The following ACAP2 variants were observed in gnomAD, a reference collection of about 807,000 sequenced individuals.
ACAP2 encodes arf-GAP with coiled-coil, ANK repeat and PH domain-containing protein 2.
Under a neutral mutation model 115.8 loss-of-function variants are expected in ACAP2, and 39 were observed. The observed-to-expected ratio is 0.34, with a 90% CI of 0.26 to 0.44. The LOEUF (loss-of-function observed/expected upper bound fraction) is 0.44. ACAP2 is among the 20% of genes least tolerant of loss of function. ACAP2 has a pLI of 1.00. For missense variants in ACAP2, 662 were observed against 927.6 expected (o/e 0.71, Z 3.72); for synonymous variants, 289 against 315.8 (o/e 0.92, Z 0.90).
intron 1 of ACAP2, among the ~76,000 whole-genome samples, chr3:195,393,972 G>A (rs1711539217): frequency 6.6e-6 from 1 of 151,986 alleles, no homozygotes; most frequent in African/African-American, 2.4e-5. Flanking sequence ...CTACAACTCT[G>A]AAGAATGGGG....
chr3:195,279,103 C>T lies in ACAP2; in HGVS notation c.*225G>A. ...ACTGAACTTCTGTCTACAGAAATAG[C>T]CCTTTAAATAGGCTTTTTTAATAAA... On this transcript the variant is annotated 3_prime_UTR_variant, in exon 23 of 23. Coordinates refer to ENST00000326793, the MANE Select transcript of ACAP2 (RefSeq NM_012287.6). The T allele has an allele frequency of 2.7e-6, 1 of 367,850 alleles. No homozygotes were observed. The highest frequency in any genetic ancestry group is 4.8e-6 in the Non-Finnish European group (1 of 208,066). The allele number at this position is 367,850 out of a possible 1,614,324, so 22.8% of individuals were successfully genotyped here. A position where few individuals can be genotyped will look rare whatever the true frequency, so the allele number is the denominator to read the frequency against.
At chr3:195,351,736 T>C (rs1480345074) in intron 4 of ACAP2, among the ~76,000 whole-genome samples, 3 of 152,184 alleles carry the variant, frequency 2.0e-5, no homozygotes, top group African/African-American at 7.2e-5. Flanking sequence ...GTGCTGGGAT[T>C]ACAGGCGTGA....
chr3:195,359,525 T>C (rs572077271), intron 4 of ACAP2, among the ~76,000 whole-genome samples: 3 of 152,376 alleles, frequency 2.0e-5, no homozygotes, highest in Admixed American at 6.5e-5. Flanking sequence ...TGGAGTGCAG[T>C]GGCGTGATCT....
rs536030741 is a variant in ACAP2, at chr3:195,404,316, A to T, written c.54-12169T>A. On this transcript the variant is annotated intron_variant, in intron 1 of 22. Coordinates refer to ENST00000326793, the MANE Select transcript of ACAP2 (RefSeq NM_012287.6). ...AAGAATTAACATCAGGTTTAAGTCA[A>T]ATTAAAATGGCTGAAAACAATTTTA... 1.3e-5 allele frequency among the ~76,000 whole-genome samples: 2 copies of T among 152,354 alleles called. 1 individual carries two copies. Among genetic ancestry groups the T allele is most frequent in the South Asian group, 4.1e-4 (2 of 4,828 alleles).
chr3:195,359,140 T>C (rs564242991), intron 4 of ACAP2, among the ~76,000 whole-genome samples: 2 of 152,286 alleles, frequency 1.3e-5, no homozygotes, highest in African/African-American at 4.8e-5. Context: ...CAAAAGTTGA[T>C]GAATTTCATC....
At chr3:195,292,655 C>T (rs1727336874) in intron 18 of ACAP2, among the ~76,000 whole-genome samples, 1 of 152,112 alleles carries the variant, frequency 6.6e-6, no homozygotes, top group Admixed American at 6.5e-5. Flanking sequence ...GGCACGGTGG[C>T]TCACGCCTGC....
In ACAP2 at chr3:195,278,084, A is replaced by G. The variant is rs9874644; in HGVS notation, c.*1244T>C. ...TGACACAGCAAGACGCCATCTCGGG[A>G]AAAAAAAAAAAAAAAAGCAAATTAA... On this transcript the variant is annotated 3_prime_UTR_variant, in exon 23 of 23. Coordinates refer to ENST00000326793, the MANE Select transcript of ACAP2 (RefSeq NM_012287.6). 0.41 allele frequency: 52,481 copies of G among 126,522 alleles called. 9,407 individuals carry two copies. The highest frequency in any genetic ancestry group is 0.58 in the Middle Eastern group (136 of 236). The allele number at this position is 126,522 out of a possible 1,614,324, so 7.8% of individuals were successfully genotyped here. A position where few individuals can be genotyped will look rare whatever the true frequency, so the allele number is the denominator to read the frequency against.
At chr3:195,339,791 G>A (rs973769817) in intron 6 of ACAP2, among the ~76,000 whole-genome samples, 2 of 151,890 alleles carry the variant, frequency 1.3e-5, no homozygotes, top group African/African-American at 4.8e-5. Flanking sequence ...TAAAAATAAT[G>A]AAAATTTTAG....
chr3:195,436,069 A>C (rs1293843713), intron 1 of ACAP2, among the ~76,000 whole-genome samples: 1 of 150,408 alleles, frequency 6.6e-6, no homozygotes, highest in Admixed American at 6.7e-5. Context: ...TTATGGATTG[A>C]CCCTTTTATT....
At chr3:195,347,870 A>C (rs1458137470) in intron 4 of ACAP2, among the ~76,000 whole-genome samples, 1 of 151,970 alleles carries the variant, frequency 6.6e-6, no homozygotes, top group African/African-American at 2.4e-5. Flanking sequence ...AAATGAGCCA[A>C]GCATGGTGGC....
chr3:195,429,558 C>G (rs1291080771), intron 1 of ACAP2, among the ~76,000 whole-genome samples: 1 of 151,966 alleles, frequency 6.6e-6, no homozygotes, highest in African/African-American at 2.4e-5. Flanking sequence ...AAAAGCAAAA[C>G]AGTGGTTGTC....
chr3:195,421,936 T>G (rs1490713353), intron 1 of ACAP2, among the ~76,000 whole-genome samples: 1 of 152,184 alleles, frequency 6.6e-6, no homozygotes, highest in Non-Finnish European at 1.5e-5. Flanking sequence ...ACAAGTTCCT[T>G]TGTTATATAC....
chr3:195,326,551 C>T (rs2108614412), intron 9 of ACAP2: 1 of 231,838 alleles, frequency 4.3e-6, no homozygotes, highest in African/African-American at 2.3e-5. Flanking sequence ...CGGACACACA[C>T]TTTTACAGGG....
rs1281452125 is a variant in ACAP2 at position 195,277,024 on chromosome 3, C to T, written c.*2304G>A. The T allele has an allele frequency of 1.3e-5, 2 of 152,108 alleles. No homozygotes were observed. Among genetic ancestry groups the T allele is most frequent in the Non-Finnish European group, 2.9e-5 (2 of 68,014 alleles). The allele number at this position is 152,108 out of a possible 1,614,324, so 9.4% of individuals were successfully genotyped here. ...TAAGTAGATACTAATTAATTACTGC[C>T]ATATTAACAATTCATCACGTAAGCC... On this transcript the variant is annotated 3_prime_UTR_variant, in exon 23 of 23. Coordinates refer to ENST00000326793, the MANE Select transcript of ACAP2 (RefSeq NM_012287.6).
At chr3:195,380,271 C>CA (rs962616031) in intron 4 of ACAP2, among the ~76,000 whole-genome samples, 5 of 150,224 alleles carry the variant, frequency 3.3e-5, no homozygotes, top group East Asian at 3.9e-4. Context: ...TGCTAACCAA[C>CA]AAAAAAAAAT....
intron 1 of ACAP2, among the ~76,000 whole-genome samples, chr3:195,426,980 C>T (rs1714733818): frequency 6.6e-6 from 1 of 151,884 alleles, no homozygotes; most frequent in Non-Finnish European, 1.5e-5. Flanking sequence ...TCAGAACCCG[C>T]AAATACGTTA....
chr3:195,345,440 G>A, intron 4 of ACAP2, 123 bp from the exon 5 acceptor site: 1 of 616,432 alleles, frequency 1.6e-6, no homozygotes, highest in South Asian at 2.1e-5. Context: ...ATCTCTTCTT[G>A]AAGACTACAA....
intron 7 of ACAP2, chr3:195,336,009 C>G (rs1257790254): frequency 1.3e-5 from 2 of 150,918 alleles, no homozygotes; most frequent in Non-Finnish European, 2.9e-5. Flanking sequence ...CAAGCAATTC[C>G]CCTGCCTCAG....
At chr3:195,364,893 T>C (rs1175358759) in intron 4 of ACAP2, among the ~76,000 whole-genome samples, 2 of 152,296 alleles carry the variant, frequency 1.3e-5, no homozygotes, top group South Asian at 2.1e-4. Context: ...CATCAACAGA[T>C]GAATGGTTGC....
Sources: gnomAD v4.1 joint callset for allele counts (sites outside exome capture counted in the v4.1 genomes callset) on GRCh38, gnomAD v4.1.1 for gene constraint, MANE v1.5 for transcripts, NCBI Gene and HGNC (gene_info 2026-07-23, HGNC 2026-07-21) for gene names.